SLC22A24: variants seen among roughly 807,000 people sequenced by gnomAD.
SLC22A24 encodes solute carrier family 22 member 24.
Under a neutral mutation model 49.8 loss-of-function variants are expected in SLC22A24, and 53 were observed. The ratio of observed to expected loss-of-function variants is 1.06; its 90% confidence interval spans 0.85 to 1.34. The LOEUF (loss-of-function observed/expected upper bound fraction) is 1.34. Among genes scored for constraint, SLC22A24 ranks in the 40% most tolerant of loss-of-function variants. SLC22A24 has a pLI of 0.00. For synonymous variants in SLC22A24, 302 were observed against 256.4 expected (o/e 1.18, Z -1.70); for missense variants, 786 against 675.9 (o/e 1.16, Z -1.81).
In SLC22A24 at chr11:63,144,000, C is replaced by T; in HGVS notation, c.-221G>A. ...TTAACTTTAGGCAGCCAAATAGTTT[C>T]AGAAGTCACAGATATAATTATTTGG... On this transcript the variant is annotated 5_prime_UTR_variant, in exon 1 of 10. Transcript: ENST00000612278. The T allele has an allele frequency of 2.7e-6, 1 of 372,132 alleles. No homozygotes were observed. The allele number at this position is 372,132 out of a possible 1,614,324, so 23.1% of individuals were successfully genotyped here. A position where few individuals can be genotyped will look rare whatever the true frequency, so the allele number is the denominator to read the frequency against.
At chr11:63,083,749 A>C (rs925219381) in intron 6 of SLC22A24, among the ~76,000 whole-genome samples, 2 of 152,208 alleles carry the variant, frequency 1.3e-5, no homozygotes, top group African/African-American at 2.4e-5. Context: ...ACATATTATC[A>C]ATGAAAGTTA....
chr11:63,104,453 G>A (rs965423870), intron 4 of SLC22A24, among the ~76,000 whole-genome samples, 155 bp from the exon 5 acceptor site: 1 of 152,094 alleles, frequency 6.6e-6, no homozygotes, highest in African/African-American at 2.4e-5. Context: ...TGGACTCCTA[G>A]GGTGAAGGAT....
At chr11:63,123,671 T>G (rs544800545) in intron 2 of SLC22A24, among the ~76,000 whole-genome samples, 5 of 152,348 alleles carry the variant, frequency 3.3e-5, no homozygotes, top group Admixed American at 2.0e-4. Context: ...ACTTGTTTGC[T>G]TGGGCGAAAA....
At chr11:63,094,045 G>A (rs1422839419) in intron 6 of SLC22A24, among the ~76,000 whole-genome samples, 1 of 151,684 alleles carries the variant, frequency 6.6e-6, no homozygotes, top group Non-Finnish European at 1.5e-5. Context: ...CAATGTGCAG[G>A]TTTGTTACAT....
Position 63,083,042 on chromosome 11 carries a change from G to A in SLC22A24, c.1285+201C>T, listed in dbSNP as rs182835756. Among the ~76,000 whole-genome samples, 231 of 151,790 alleles carry A rather than the reference G, an allele frequency of 1.5e-3. 3 individuals carry two copies. Among genetic ancestry groups the A allele is most frequent in the Non-Finnish European group, 2.4e-4 (16 of 68,014 alleles). On this transcript the variant is annotated intron_variant, in intron 7 of 9. Transcript: ENST00000612278. ...GACAACCGTGTGTCTGAACCATCACGGCTGACATTGATTGAGTAAGAGCCC... is the reference window on the plus strand; with the variant it reads ...GACAACCGTGTGTCTGAACCATCACAGCTGACATTGATTGAGTAAGAGCCC...
intron 1 of SLC22A24, among the ~76,000 whole-genome samples, chr11:63,138,654 A>G (rs928372493): frequency 3.3e-5 from 5 of 151,134 alleles, no homozygotes; most frequent in Admixed American, 3.3e-4. Context: ...AAAAAAAAAA[A>G]AAAAAAAAAA....
chr11:63,117,580 T>C (rs1317279478), intron 4 of SLC22A24, among the ~76,000 whole-genome samples: 1 of 152,148 alleles, frequency 6.6e-6, no homozygotes, highest in African/African-American at 2.4e-5. Flanking sequence ...CTCCTCCTCT[T>C]CTTTCCTCTC....
intron 1 of SLC22A24, among the ~76,000 whole-genome samples, chr11:63,138,282 A>G (rs1458796193): frequency 6.6e-6 from 1 of 152,122 alleles, no homozygotes; most frequent in Non-Finnish European, 1.5e-5. Context: ...GAGGACAGAA[A>G]TTTTGGGGTT....
Position 63,083,246 on chromosome 11 carries a change from G to T in SLC22A24, c.1282C>A (p.Gln428Lys), listed in dbSNP as rs770316575. The change falls in exon 7 of 10, where the codon CAA (glutamine) becomes AAA (lysine). Residue 428 changes from glutamine (Q) to lysine (K), a missense_variant. By Grantham distance (53) the Gln-to-Lys change is moderately conservative. Coordinates refer to ENST00000612278, the MANE Select transcript of SLC22A24 (RefSeq NM_001136506.2). Reference sequence around the variant, plus strand: ...CTGAAACTCCTGTCTCTCTCACCTTGGGGCAAAAAGGTGTTGACCAGAATG... The same window carrying T: ...CTGAAACTCCTGTCTCTCTCACCTTTGGGCAAAAAGGTGTTGACCAGAATG... ...LFILVNTFLP[Q>K]EMQILRVVLA... The T allele has an allele frequency of 1.3e-6, 2 of 1,553,068 alleles. No homozygotes were observed. Among genetic ancestry groups the T allele is most frequent in the Non-Finnish European group, 1.7e-6 (2 of 1,147,374 alleles).
At chr11:63,131,141 C>T (rs1206619611) in intron 2 of SLC22A24, among the ~76,000 whole-genome samples, 2 of 151,900 alleles carry the variant, frequency 1.3e-5, no homozygotes, top group African/African-American at 4.8e-5. Context: ...ATCTTCCTCC[C>T]TCCCTGTATT....
At chr11:63,117,759 C>G (rs919960776) in intron 4 of SLC22A24, among the ~76,000 whole-genome samples, 1 of 152,106 alleles carries the variant, frequency 6.6e-6, no homozygotes, top group Non-Finnish European at 1.5e-5. Flanking sequence ...ATATAACACA[C>G]AGAATATGTG....
chr11:63,112,937 C>T (rs576934598), intron 4 of SLC22A24, among the ~76,000 whole-genome samples: 1 of 146,860 alleles, frequency 6.8e-6, no homozygotes, highest in African/African-American at 2.6e-5. Flanking sequence ...ATGGCGTGAA[C>T]CCGGGAGCCG....
rs553333815 is a variant in SLC22A24, at chr11:63,125,743, C to T, written c.507-6408G>A. 2.0e-5 allele frequency among the ~76,000 whole-genome samples: 3 copies of T among 152,206 alleles called. No individual in the cohort carries two copies. In the South Asian group the frequency reaches 6.2e-4, roughly 32 times the overall value. On this transcript the variant is annotated intron_variant, in intron 2 of 9. Coordinates refer to ENST00000612278, the MANE Select transcript of SLC22A24 (RefSeq NM_001136506.2). ...TGAGGAATTGCCACACTGTCTTCCA[C>T]AATGGCTGAACTAATTTACACTCCC...
chr11:63,090,776 A>G (rs1325618832), intron 6 of SLC22A24, among the ~76,000 whole-genome samples: 1 of 152,026 alleles, frequency 6.6e-6, no homozygotes, highest in East Asian at 1.9e-4. Flanking sequence ...ACACAGGTAA[A>G]GCAGTGTTAA....
chr11:63,101,364 A>G (rs1436633251), intron 5 of SLC22A24, among the ~76,000 whole-genome samples: 1 of 151,982 alleles, frequency 6.6e-6, no homozygotes, highest in Non-Finnish European at 1.5e-5. Flanking sequence ...ACTCTTCAAA[A>G]GTTGCATATA....
chr11:63,111,685 C>A (rs10897364), intron 4 of SLC22A24, among the ~76,000 whole-genome samples: 1 of 150,196 alleles, frequency 6.7e-6, no homozygotes, highest in Non-Finnish European at 1.5e-5. Context: ...TCTGTGGGAT[C>A]GGTGGTGATA....
At chr11:63,086,617 A>G (rs569318349) in intron 6 of SLC22A24, among the ~76,000 whole-genome samples, 1 of 152,326 alleles carries the variant, frequency 6.6e-6, no homozygotes, top group East Asian at 1.9e-4. Context: ...AAAATTTTAT[A>G]TTGAATTTTT....
intron 2 of SLC22A24, among the ~76,000 whole-genome samples, chr11:63,132,963 A>T (rs1187077728): frequency 1.3e-5 from 2 of 152,302 alleles, no homozygotes; most frequent in Non-Finnish European, 2.9e-5. Context: ...GGCTCTGCCC[A>T]GTTCGAACTT....
chr11:63,125,351 C>T (rs992413507), intron 2 of SLC22A24, among the ~76,000 whole-genome samples: 5 of 152,176 alleles, frequency 3.3e-5, no homozygotes, highest in Middle Eastern at 3.4e-3. Context: ...TGTTCCCCTC[C>T]CTGTGTCCAT....
Sources: gnomAD v4.1 joint callset for allele counts (sites outside exome capture counted in the v4.1 genomes callset) on GRCh38, gnomAD v4.1.1 for gene constraint, MANE v1.5 for transcripts, NCBI Gene and HGNC (gene_info 2026-07-23, HGNC 2026-07-21) for gene names.